RP2: variants seen among roughly 807,000 people sequenced by gnomAD.
RP2 encodes the protein protein XRP2.
RP2 carries 3 observed loss-of-function variants against 20.3 expected under a neutral mutation model. The ratio of observed to expected loss-of-function variants is 0.15; its 90% CI spans 0.07 to 0.38. RP2 has a LOEUF of 0.38. RP2 is among the 10% of genes least tolerant of loss of function. The pLI is 1.00. For missense variants in RP2, 233 were observed against 268.5 expected, an observed-to-expected ratio of 0.87 and a Z score of 0.92; for synonymous variants, 75 against 94.8, an observed-to-expected ratio of 0.79 and a Z score of 1.22.
chrX:46,864,536 G>A (rs781810646), intron 3 of RP2, among the ~76,000 whole-genome samples: 1 of 108,979 alleles, frequency 9.2e-6, no homozygotes, highest in African/African-American at 3.3e-5. Context: ...TCAGCCTCCT[G>A]GGTAGCTGGG....
At chrX:46,871,021 C>CTTTTTTT in intron 3 of RP2, among the ~76,000 whole-genome samples, 1 of 77,377 alleles carries the variant, frequency 1.3e-5, no homozygotes, top group Non-Finnish European at 2.4e-5. Flanking sequence ...ACGCTCATTC[C>CTTTTTTT]TTTTTTTTTT....
At chrX:46,846,835 C>T (rs1924723094) in intron 1 of RP2, among the ~76,000 whole-genome samples, 1 of 110,642 alleles carries the variant, frequency 9.0e-6, no homozygotes, top group African/African-American at 3.3e-5. Context: ...GCAATCTTCC[C>T]ACTTCAGCCT....
At position 46,843,548 on chromosome X, in the gene RP2, C is replaced by A. The variant is rs148224706; in HGVS notation, c.102+6346C>A. Among the ~76,000 whole-genome samples the A allele has an allele frequency of 9.6e-3, 1,072 of 111,627 alleles. 17 individuals are homozygous for A. The highest frequency in any genetic ancestry group is 0.033 in the African/African-American group (1,010 of 30,692). On this transcript the variant is annotated intron_variant, in intron 1 of 4. Transcript: ENST00000218340. ...CAGTTTCCTAAGATCCCTTCCAGTTCTTGAATTCTTTGAGCAGCCCATGAG... is the reference window on the plus strand; with the variant it reads ...CAGTTTCCTAAGATCCCTTCCAGTTATTGAATTCTTTGAGCAGCCCATGAG...
intron 1 of RP2, among the ~76,000 whole-genome samples, chrX:46,850,932 A>G (rs1924848544): frequency 9.0e-6 from 1 of 111,640 alleles, no homozygotes; most frequent in Admixed American, 9.6e-5. Flanking sequence ...CAGAAAGTTA[A>G]GGGGATTTTT....
At chrX:46,877,703 G>GGTGT (rs397959535) in intron 4 of RP2, 113 bp downstream of exon 4, 30,824 of 314,298 alleles carry the variant, frequency 0.098, 22 homozygotes, top group Non-Finnish European at 0.12. Context: ...GAATTTTTGG[G>GGTGT]GTGTGTGTGT....
At chrX:46,840,047 G>A (rs1054977217) in intron 1 of RP2, among the ~76,000 whole-genome samples, 1 of 111,955 alleles carries the variant, frequency 8.9e-6, no homozygotes, top group African/African-American at 3.2e-5. Flanking sequence ...GCGCGATCTC[G>A]GCTCACTGCA....
At chrX:46,840,210 C>T (rs374036761) in intron 1 of RP2, among the ~76,000 whole-genome samples, 116 of 112,291 alleles carry the variant, frequency 1.0e-3, no homozygotes, top group African/African-American at 3.3e-3. Context: ...GAACTCCTGA[C>T]CTCAGGTGAT....
chrX:46,857,350 A>G (rs905623163), intron 2 of RP2, among the ~76,000 whole-genome samples: 1 of 111,506 alleles, frequency 9.0e-6, no homozygotes, highest in Non-Finnish European at 1.9e-5. Context: ...TCACGAGGTC[A>G]GGAGTTCAAG....
intron 3 of RP2, among the ~76,000 whole-genome samples, chrX:46,875,374 C>T (rs1351648876): frequency 9.3e-6 from 1 of 108,092 alleles, no homozygotes; most frequent in Non-Finnish European, 1.9e-5. Context: ...AACAGAACTC[C>T]TCGTATGCCA....
intron 1 of RP2, among the ~76,000 whole-genome samples, chrX:46,852,207 G>C (rs1370759563): frequency 9.2e-6 from 1 of 108,335 alleles, no homozygotes; most frequent in Non-Finnish European, 1.9e-5. Context: ...ACTCCGTCTC[G>C]AAAGAGAGAG....
chrX:46,860,733 A>G (rs1925047202), intron 3 of RP2, among the ~76,000 whole-genome samples: 1 of 111,685 alleles, frequency 9.0e-6, no homozygotes, highest in Non-Finnish European at 1.9e-5. Flanking sequence ...TTATCTGTTC[A>G]GAGTGGGGCC....
rs782055106 is a variant in RP2 at position 46,844,923 on chromosome X, A to G, written c.102+7721A>G. On this transcript the variant is annotated intron_variant, in intron 1 of 4. Transcript: ENST00000218340. Reference sequence around the variant, plus strand: ...TGTGGTTTTGATTTGCATTTCTCTGATGGCCAGGGATGATGAATATTTTTT... The same window carrying G: ...TGTGGTTTTGATTTGCATTTCTCTGGTGGCCAGGGATGATGAATATTTTTT... 1.1e-4 allele frequency among the ~76,000 whole-genome samples: 12 copies of G among 111,995 alleles called. 1 individual carries two copies. The South Asian group carries it at 3.7e-3, about 35-fold the overall frequency.
intron 3 of RP2, among the ~76,000 whole-genome samples, chrX:46,873,584 T>C (rs1212522605): frequency 9.0e-6 from 1 of 111,634 alleles, no homozygotes; most frequent in Non-Finnish European, 1.9e-5. Context: ...GTTTGTTTAA[T>C]ACATATGAAA....
At chrX:46,858,228 G>T (rs1925000695) in intron 2 of RP2, among the ~76,000 whole-genome samples, 1 of 111,189 alleles carries the variant, frequency 9.0e-6, no homozygotes, top group Admixed American at 9.6e-5. Flanking sequence ...TAACAGCAGG[G>T]TTTTCTTTTT....
At chrX:46,847,746 G>GTGTGTGTATATACACACATA (rs1569531372) in intron 1 of RP2, among the ~76,000 whole-genome samples, 9 of 79,237 alleles carry the variant, frequency 1.1e-4, no homozygotes, top group African/African-American at 5.5e-4. Context: ...ACACACATAT[G>GTGTGTGTATATACACACATA]TGTGTGTGTA....
At position 46,879,859 on chromosome X, in the gene RP2, T is replaced by C. The variant is rs1569532507; in HGVS notation, c.*90T>C. On this transcript the variant is annotated 3_prime_UTR_variant, in exon 5 of 5. Transcript: ENST00000218340. ...ATACACTTTTGTGTATTAGCAATGGTTTTTACTAATGCTAAAACTTTTAAA... is the reference window on the plus strand; with the variant it reads ...ATACACTTTTGTGTATTAGCAATGGCTTTTACTAATGCTAAAACTTTTAAA... 1.6e-5 allele frequency: 8 copies of C among 508,264 alleles called. No homozygotes were observed. Among genetic ancestry groups the C allele is most frequent in the Non-Finnish European group, 2.6e-5 (8 of 303,608 alleles). The allele number at this position is 508,264 out of a possible 1,213,427, so 41.9% of individuals were successfully genotyped here.
chrX:46,851,896 C>G (rs563724196), intron 1 of RP2, among the ~76,000 whole-genome samples: 1 of 111,221 alleles, frequency 9.0e-6, no homozygotes, highest in East Asian at 2.8e-4. Context: ...GAAACCCCAT[C>G]TCTACTAAAA....
At chrX:46,868,642 C>T (rs1447982067) in intron 3 of RP2, among the ~76,000 whole-genome samples, 3 of 108,906 alleles carry the variant, frequency 2.8e-5, no homozygotes, top group East Asian at 5.8e-4. Context: ...AAAAATTAGC[C>T]GGGCGTGGTG....
chrX:46,851,876 G>A (rs1452433131), intron 1 of RP2, among the ~76,000 whole-genome samples: 1 of 110,516 alleles, frequency 9.0e-6, no homozygotes, highest in Non-Finnish European at 1.9e-5. Flanking sequence ...ACCATCCTGG[G>A]TAACACAGTG....
Sources: allele counts gnomAD v4.1 joint callset (sites outside exome capture counted in the v4.1 genomes callset), GRCh38; gene constraint gnomAD v4.1.1; transcripts MANE v1.5; gene names NCBI Gene and HGNC (gene_info 2026-07-23, HGNC 2026-07-21).